COBL: variants seen among roughly 807,000 people sequenced by gnomAD.
COBL encodes the protein cordon-bleu WH2 repeat protein, also known as protein cordon-bleu.
A neutral mutation model predicts 98.8 loss-of-function variants in COBL; 51 were observed. The ratio of observed to expected loss-of-function variants is 0.52; its 90% CI spans 0.41 to 0.65. The LOEUF (loss-of-function observed/expected upper bound fraction) is 0.65, where lower values mean the gene tolerates loss of function less well. COBL is among the 30% of genes least tolerant of loss of function. The pLI, the probability that COBL is intolerant of heterozygous loss-of-function variation, is 0.00. For missense variants in COBL, 1,617 were observed against 1,617.5 expected (o/e 1.00, Z 0.01); for synonymous variants, 634 against 651.7 (o/e 0.97, Z 0.41).
At chr7:51,174,199 G>C (rs1788144285) in intron 5 of COBL, among the ~76,000 whole-genome samples, 1 of 152,136 alleles carries the variant, frequency 6.6e-6, no homozygotes, top group Non-Finnish European at 1.5e-5. Context: ...TTGAATTCTG[G>C]TGTTTATGAA....
intron 6 of COBL, among the ~76,000 whole-genome samples, chr7:51,096,900 G>T (rs1413548671): frequency 6.6e-6 from 1 of 152,114 alleles, no homozygotes; most frequent in African/African-American, 2.4e-5. Flanking sequence ...CTTCAATGGA[G>T]AATTCTACCA....
intron 6 of COBL, among the ~76,000 whole-genome samples, chr7:51,113,238 A>G (rs1181716004): frequency 6.6e-6 from 1 of 152,224 alleles, no homozygotes; most frequent in Non-Finnish European, 1.5e-5. Context: ...GTCAAGTGCA[A>G]AGGTGCAAAG....
At chr7:51,124,227 G>A (rs1043004652) in intron 6 of COBL, among the ~76,000 whole-genome samples, 1 of 152,222 alleles carries the variant, frequency 6.6e-6, no homozygotes, top group Non-Finnish European at 1.5e-5. Context: ...CCAGTTGGCC[G>A]ACGACTGGAT....
intron 12 of COBL, among the ~76,000 whole-genome samples, chr7:51,019,192 C>T (rs6969551): frequency 0.42 from 63,456 of 150,694 alleles, 15,687 homozygotes; most frequent in Non-Finnish European, 0.58. Context: ...GCTGAAATCC[C>T]AACCTCCAAG....
chr7:51,282,032 A>G (rs189395649), intron 1 of COBL, among the ~76,000 whole-genome samples: 2 of 152,252 alleles, frequency 1.3e-5, no homozygotes, highest in African/African-American at 4.8e-5. Flanking sequence ...AACCCACGAA[A>G]ATAAACAAAG....
In COBL at chr7:51,285,287, GA is replaced by G. The variant is rs572914748; in HGVS notation, c.41+31305del. On this transcript the variant is annotated intron_variant, in intron 1 of 12. Coordinates refer to ENST00000265136, the MANE Select transcript of COBL (RefSeq NM_015198.5). Reference sequence around the variant, plus strand: ...AAATCTACACTGTACAATAAGAAGAGAAAAACAAATAAAAGGCATCAAATTT... The same window carrying G: ...AAATCTACACTGTACAATAAGAAGAGAAAACAAATAAAAGGCATCAAATTT... 3.7e-3 allele frequency among the ~76,000 whole-genome samples: 544 copies of G among 148,974 alleles called. 3 individuals are homozygous for G. The highest frequency in any genetic ancestry group is 0.013 in the African/African-American group (520 of 40,460).
intron 7 of COBL, among the ~76,000 whole-genome samples, chr7:51,084,199 C>T (rs1013759037): frequency 2.0e-5 from 3 of 152,102 alleles, no homozygotes; most frequent in Non-Finnish European, 2.9e-5. Context: ...CAAACTGCCA[C>T]GGAGCTCTCA....
chr7:51,291,291 T>C (rs1800868375), intron 1 of COBL, among the ~76,000 whole-genome samples: 1 of 152,166 alleles, frequency 6.6e-6, no homozygotes, highest in Non-Finnish European at 1.5e-5. Context: ...AGGAGATTGC[T>C]GAGGCCAACC....
At chr7:51,113,346 G>GA (rs1157610888) in intron 6 of COBL, among the ~76,000 whole-genome samples, 1 of 152,206 alleles carries the variant, frequency 6.6e-6, no homozygotes, top group Non-Finnish European at 1.5e-5. Flanking sequence ...ACTGTATAAT[G>GA]AAAAGTAAAA....
chr7:51,238,147 T>C (rs1405283636), intron 1 of COBL, among the ~76,000 whole-genome samples: 1 of 152,236 alleles, frequency 6.6e-6, no homozygotes, highest in Non-Finnish European at 1.5e-5. Context: ...GGGGTCTCCC[T>C]TGGCCGCCTC....
chr7:51,200,327 G>A (rs1399464969), intron 2 of COBL, among the ~76,000 whole-genome samples: 3 of 152,156 alleles, frequency 2.0e-5, no homozygotes, highest in Non-Finnish European at 4.4e-5. Context: ...ACTGCTAAAG[G>A]TAAACACAGA....
chr7:51,208,386 TG>T (rs571758629), intron 2 of COBL, among the ~76,000 whole-genome samples: 3,279 of 102,758 alleles, frequency 0.032, 129 homozygotes, highest in African/African-American at 0.1. Context: ...GGGAGGGAGG[TG>T]GGGGGGGTCA....
At chr7:51,178,227 A>C (rs1280736891) in intron 5 of COBL, among the ~76,000 whole-genome samples, 1 of 152,154 alleles carries the variant, frequency 6.6e-6, no homozygotes, top group Non-Finnish European at 1.5e-5. Context: ...TTGCTAAAGG[A>C]ACAACAATTT....
At chr7:51,081,692 C>T (rs1348089647) in intron 7 of COBL, among the ~76,000 whole-genome samples, 2 of 152,138 alleles carry the variant, frequency 1.3e-5, no homozygotes, top group East Asian at 1.9e-4. Flanking sequence ...GTGCTGGGCC[C>T]GTTCTGTGAC....
intron 7 of COBL, among the ~76,000 whole-genome samples, chr7:51,059,194 T>C (rs1002806513): frequency 2.0e-5 from 3 of 152,230 alleles, no homozygotes; most frequent in Non-Finnish European, 2.9e-5. Flanking sequence ...CTTAAATGTA[T>C]GTATAGCTCG....
At chr7:51,022,572 CTT>C (rs1289746792) in intron 12 of COBL, 1 of 152,130 alleles carries the variant, frequency 6.6e-6, no homozygotes, top group African/African-American at 2.4e-5. Context: ...CTAGTCAAAA[CTT>C]ATTTTTTTTT....
chr7:51,263,650 C>G (rs1162727262), intron 1 of COBL, among the ~76,000 whole-genome samples: 1 of 151,962 alleles, frequency 6.6e-6, no homozygotes, highest in African/African-American at 2.4e-5. Flanking sequence ...ATGAAGAGTT[C>G]CCAGGCGTGG....
chr7:51,122,982 CAAA>C (rs57261676), intron 6 of COBL, among the ~76,000 whole-genome samples: 6 of 139,894 alleles, frequency 4.3e-5, no homozygotes, highest in Admixed American at 1.4e-4. Flanking sequence ...GACTCCATCT[CAAA>C]AAAAAAAAAA....
intron 5 of COBL, among the ~76,000 whole-genome samples, chr7:51,154,811 T>G (rs945936113): frequency 6.6e-6 from 1 of 152,232 alleles, no homozygotes; most frequent in East Asian, 1.9e-4. Flanking sequence ...TGCTTCAGCA[T>G]TCACCATTTT....
Sources: allele counts gnomAD v4.1 joint callset (sites outside exome capture counted in the v4.1 genomes callset), GRCh38; gene constraint gnomAD v4.1.1; transcripts MANE v1.5; gene names NCBI Gene and HGNC (gene_info 2026-07-23, HGNC 2026-07-21).